The following DMRT1 variants were observed in gnomAD, a reference collection of about 807,000 sequenced individuals.
The protein encoded by DMRT1 is doublesex- and mab-3-related transcription factor 1.
In DMRT1, 7 loss-of-function variants were observed where a neutral mutation model predicts 32.3. The ratio of observed to expected loss-of-function variants is 0.22; its 90% CI spans 0.12 to 0.41. The LOEUF (loss-of-function observed/expected upper bound fraction) is 0.41. Ranked by LOEUF, DMRT1 falls within the 10% of genes least tolerant of loss-of-function variation. DMRT1 has a pLI of 1.00. For synonymous variants in DMRT1, 278 were observed against 206.1 expected (o/e 1.35, Z -2.99); for missense variants, 625 against 500.5 (o/e 1.25, Z -2.37).
At chr9:933,574 C>T (rs1353012111) in intron 4 of DMRT1, among the ~76,000 whole-genome samples, 1 of 152,184 alleles carries the variant, frequency 6.6e-6, no homozygotes, top group Non-Finnish European at 1.5e-5. Flanking sequence ...GCTGTCAAAC[C>T]AGCATTGAAC....
intron 3 of DMRT1, among the ~76,000 whole-genome samples, chr9:903,998 G>T (rs148664567): frequency 6.6e-6 from 1 of 152,204 alleles, no homozygotes; most frequent in Non-Finnish European, 1.5e-5. Context: ...TCTGGGCTGA[G>T]TAAGAAATCC....
At chr9:852,179 C>T (rs1031788638) in intron 2 of DMRT1, among the ~76,000 whole-genome samples, 3 of 151,378 alleles carry the variant, frequency 2.0e-5, no homozygotes, top group African/African-American at 4.9e-5. Context: ...TCAAGTGATC[C>T]GCCTGCCTCG....
chr9:896,121 C>T lies in DMRT1; in HGVS notation c.822+1926C>T, dbSNP rs1378973421. On this transcript the variant is annotated intron_variant, in intron 3 of 4. Coordinates refer to ENST00000382276, the MANE Select transcript of DMRT1 (RefSeq NM_021951.3). ...CCCAGCCGTAATTGAAACTTTTTAC[C>T]CTTTGCCCAACATCTTTTTTTTTTT... Among the ~76,000 whole-genome samples, 6 of 151,754 alleles carry T rather than the reference C, an allele frequency of 4.0e-5. No homozygotes were observed. The East Asian group carries it at 7.7e-4, about 20-fold the overall frequency.
At chr9:896,169 C>A (rs576732098) in intron 3 of DMRT1, among the ~76,000 whole-genome samples, 7 of 151,984 alleles carry the variant, frequency 4.6e-5, no homozygotes, top group African/African-American at 1.7e-4. Context: ...ATTTTATTTC[C>A]CTTGTTGTAT....
intron 3 of DMRT1, among the ~76,000 whole-genome samples, chr9:910,870 G>C (rs528467949): frequency 6.6e-6 from 1 of 152,054 alleles, no homozygotes; most frequent in African/African-American, 2.4e-5. Context: ...TGGGTTTTTA[G>C]GGTTTACTTG....
rs192647697 is a variant in DMRT1, at chr9:902,153, G to A, written c.822+7958G>A. Among the ~76,000 whole-genome samples the A allele has an allele frequency of 1.5e-3, 220 of 151,052 alleles. 1 individual carries two copies. Among genetic ancestry groups the A allele is most frequent in the African/African-American group, 4.2e-3 (172 of 41,054 alleles). The stretch of plus-strand genomic sequence containing the variant: ...TCAAACTCCTGACCTCAGGTGATCC[G>A]CCCCCCTCAGCCTCCCAAAGTGCTG... On this transcript the variant is annotated intron_variant, in intron 3 of 4. Transcript: ENST00000382276.
At chr9:941,334 C>A (rs974501396) in intron 4 of DMRT1, among the ~76,000 whole-genome samples, 4 of 118,724 alleles carry the variant, frequency 3.4e-5, no homozygotes, top group East Asian at 2.2e-4. Context: ...CCCCCTCCCC[C>A]CCCCCACACA....
intron 4 of DMRT1, among the ~76,000 whole-genome samples, chr9:931,992 C>T (rs1818740735): frequency 6.6e-6 from 1 of 152,118 alleles, no homozygotes; most frequent in African/African-American, 2.4e-5. Flanking sequence ...GATCACTTAC[C>T]TTCCTAACTC....
chr9:958,656 C>T (rs1047309321), intron 4 of DMRT1, among the ~76,000 whole-genome samples: 1 of 152,236 alleles, frequency 6.6e-6, no homozygotes, highest in Non-Finnish European at 1.5e-5. Context: ...GCGTGAGCCA[C>T]CACGCCTGGT....
At chr9:952,336 T>C (rs895536306) in intron 4 of DMRT1, among the ~76,000 whole-genome samples, 1 of 152,222 alleles carries the variant, frequency 6.6e-6, no homozygotes, top group African/African-American at 2.4e-5. Flanking sequence ...CAGTAGTCAT[T>C]GTTTTCCTTA....
intron 4 of DMRT1, among the ~76,000 whole-genome samples, chr9:917,934 A>C (rs934996190): frequency 6.6e-6 from 1 of 152,246 alleles, no homozygotes; most frequent in Non-Finnish European, 1.5e-5. Flanking sequence ...TTTCACTTTT[A>C]TTAAGAATCA....
intron 2 of DMRT1, among the ~76,000 whole-genome samples, chr9:885,098 GC>G (rs1216988915): frequency 6.6e-6 from 1 of 152,180 alleles, no homozygotes; most frequent in Non-Finnish European, 1.5e-5. Context: ...CTTCTTCAGT[GC>G]CCCACTGCTC....
intron 1 of DMRT1, among the ~76,000 whole-genome samples, chr9:843,516 G>T (rs1034231831): frequency 6.6e-6 from 1 of 152,238 alleles, no homozygotes; most frequent in African/African-American, 2.4e-5. Flanking sequence ...GCGCGCCAGG[G>T]TTTGAGATTT....
At chr9:929,157 A>G (rs1188475138) in intron 4 of DMRT1, among the ~76,000 whole-genome samples, 2 of 152,112 alleles carry the variant, frequency 1.3e-5, no homozygotes, top group African/African-American at 4.8e-5. Flanking sequence ...AGCACCCTGT[A>G]TTTGTATTTG....
intron 4 of DMRT1, among the ~76,000 whole-genome samples, chr9:939,321 C>T (rs1818985941): frequency 6.6e-6 from 1 of 152,210 alleles, no homozygotes; most frequent in African/African-American, 2.4e-5. Context: ...CCAAATTGCA[C>T]CATATGCTGG....
intron 2 of DMRT1, among the ~76,000 whole-genome samples, chr9:891,549 C>G (rs1444888321): frequency 1.3e-5 from 2 of 149,260 alleles, no homozygotes; most frequent in East Asian, 2.0e-4. Flanking sequence ...GAGTCTTGCT[C>G]TGTCGCCCAG....
chr9:951,252 C>G (rs1819418474), intron 4 of DMRT1, among the ~76,000 whole-genome samples: 2 of 152,032 alleles, frequency 1.3e-5, no homozygotes, highest in Non-Finnish European at 2.9e-5. Context: ...GCTGTAAGGA[C>G]TACATTCAAG....
At chr9:875,989 C>G (rs1391133629) in intron 2 of DMRT1, among the ~76,000 whole-genome samples, 1 of 152,116 alleles carries the variant, frequency 6.6e-6, no homozygotes, top group Non-Finnish European at 1.5e-5. Context: ...TGGCTGGGAA[C>G]TCGAGTTCCC....
intron 3 of DMRT1, among the ~76,000 whole-genome samples, chr9:900,726 C>A (rs573193658): frequency 2.1e-4 from 32 of 151,398 alleles, no homozygotes; most frequent in Non-Finnish European, 3.8e-4. Context: ...GCTCTGTTAC[C>A]CAGACTGGAG....
Sources: gnomAD v4.1 joint callset for allele counts (sites outside exome capture counted in the v4.1 genomes callset) on GRCh38, gnomAD v4.1.1 for gene constraint, MANE v1.5 for transcripts, NCBI Gene and HGNC (gene_info 2026-07-23, HGNC 2026-07-21) for gene names.